The following SFMBT2 variants were observed in gnomAD, a reference collection of about 807,000 sequenced individuals.
The protein encoded by SFMBT2 is Scm like with four mbt domains 2.
SFMBT2 carries 38 observed loss-of-function variants against 110.1 expected under a neutral mutation model. The ratio of observed to expected loss-of-function variants is 0.35; its 90% CI spans 0.27 to 0.45. SFMBT2 has a LOEUF of 0.45. Ranked by LOEUF, SFMBT2 falls within the 20% of genes least tolerant of loss-of-function variation. The probability of loss-of-function intolerance (pLI) is 1.00; values close to 1 mark genes in which losing one functional copy is unlikely to be tolerated. For synonymous variants in SFMBT2, 425 were observed against 425.4 expected (o/e 1.00, Z 0.01); for missense variants, 1,011 against 1,094.9 (o/e 0.92, Z 1.08).
intron 11 of SFMBT2, chr10:7,206,346 C>T (rs2131613791): frequency 3.0e-6 from 3 of 985,378 alleles, no homozygotes; most frequent in South Asian, 9.4e-5. Context: ...TCAGGGCCCA[C>T]ATCTAAGCCT....
intron 16 of SFMBT2, among the ~76,000 whole-genome samples, chr10:7,179,364 C>T (rs1377985376): frequency 2.2e-5 from 2 of 92,384 alleles, no homozygotes; most frequent in Non-Finnish European, 4.0e-5. Context: ...TGGGGCGGTT[C>T]TTGCTTATTG....
rs1286247710 is a variant in SFMBT2, at chr10:7,408,665, C to T, written c.-52+2196G>A. ...CTCTGTTCAGCGGCCGCGTCCTGGC[C>T]ACGGGCGACCCCTGTCGGGAACCCT... On this transcript the variant is annotated intron_variant, in intron 1 of 20. Transcript: ENST00000397167. This position sits in a 1 kb window ranked among gnomAD's most constrained non-coding sequence, Gnocchi z 5.7. The T allele has an allele frequency of 6.6e-6, 1 of 152,204 alleles. No individual in the cohort carries two copies. Among genetic ancestry groups the T allele is most frequent in the Non-Finnish European group, 1.5e-5 (1 of 68,042 alleles). The allele number at this position is 152,204 out of a possible 1,614,324, so 9.4% of individuals were successfully genotyped here.
chr10:7,234,169 T>C (rs980307675), intron 9 of SFMBT2, among the ~76,000 whole-genome samples: 6 of 152,154 alleles, frequency 3.9e-5, no homozygotes, highest in African/African-American at 1.4e-4. Context: ...TCATTCCCAA[T>C]TGAATTACTC....
intron 6 of SFMBT2, chr10:7,277,540 G>T (rs897714351): frequency 2.1e-5 from 4 of 192,924 alleles, no homozygotes; most frequent in African/African-American, 9.5e-5. Context: ...TTGAAATGTT[G>T]CTTAACACAC....
chr10:7,377,618 C>G (rs1041427322), intron 2 of SFMBT2, among the ~76,000 whole-genome samples: 1 of 152,106 alleles, frequency 6.6e-6, no homozygotes, highest in Admixed American at 6.5e-5. Flanking sequence ...TCATAAGGAC[C>G]GTGCAACCTA....
At chr10:7,173,820 T>C (rs924963229) in intron 17 of SFMBT2, among the ~76,000 whole-genome samples, 3 of 152,152 alleles carry the variant, frequency 2.0e-5, no homozygotes, top group African/African-American at 7.2e-5. Flanking sequence ...AAATGGCAAA[T>C]GCACCACCCC....
intron 4 of SFMBT2, among the ~76,000 whole-genome samples, chr10:7,308,136 CT>C: frequency 6.6e-6 from 1 of 152,270 alleles, no homozygotes; most frequent in African/African-American, 2.4e-5. Context: ...AGAAGGACTC[CT>C]TCAGTCCAGG....
At chr10:7,385,342 G>C (rs1023364597) in intron 1 of SFMBT2, among the ~76,000 whole-genome samples, 1 of 152,206 alleles carries the variant, frequency 6.6e-6, no homozygotes, top group Non-Finnish European at 1.5e-5. Flanking sequence ...TGGGCTTGGA[G>C]AGCGGAGGGT....
chr10:7,246,018 G>C (rs2131725927), intron 8 of SFMBT2: 1 of 186,224 alleles, frequency 5.4e-6, no homozygotes, highest in East Asian at 1.9e-4. Context: ...TCTACGCTAA[G>C]AGTATTCTGA....
At chr10:7,385,835 TA>T (rs1294776719) in intron 1 of SFMBT2, among the ~76,000 whole-genome samples, 3 of 152,002 alleles carry the variant, frequency 2.0e-5, no homozygotes, top group Non-Finnish European at 4.4e-5. Context: ...CCGTCTCTAC[TA>T]AAAATACAAA....
At chr10:7,184,442 A>G (rs767801920) in intron 16 of SFMBT2, among the ~76,000 whole-genome samples, 2 of 152,164 alleles carry the variant, frequency 1.3e-5, no homozygotes, top group Non-Finnish European at 2.9e-5. Flanking sequence ...CGCTGTGATT[A>G]TGAGGCCTCC....
Position 7,367,856 on chromosome 10 carries a change from C to T in SFMBT2, c.229G>A (p.Gly77Arg). The T allele has an allele frequency of 6.2e-7, 1 of 1,614,176 alleles. No homozygotes were observed. Among genetic ancestry groups the T allele is most frequent in the Non-Finnish European group, 8.5e-7 (1 of 1,180,038 alleles). Residue 77 changes from glycine to arginine, a missense_variant, in exon 4 of 21, where the codon GGA (glycine) becomes AGA (arginine). Coordinates refer to ENST00000397167, the MANE Select transcript of SFMBT2 (RefSeq NM_001387889.1). This position sits in a 1 kb window ranked among gnomAD's most constrained non-coding sequence, Gnocchi z 6.2. Reference protein sequence around the residue: ...EISIQSNFQPGMKLEVANKNN... With the variant: ...EISIQSNFQPRMKLEVANKNN... ...TTATTAGCCACTTCCAATTTCATTC[C>T]TGGCTGGAAGTTGCTCTGAATGCTG...
At chr10:7,375,779 A>G (rs1026037099) in intron 2 of SFMBT2, among the ~76,000 whole-genome samples, 1 of 151,368 alleles carries the variant, frequency 6.6e-6, no homozygotes, top group Non-Finnish European at 1.5e-5. Context: ...ACACACACAC[A>G]CACACACACA....
rs1838817819 is a variant in SFMBT2, at chr10:7,197,589, G to C, written c.1657C>G (p.Gln553Glu). 1.9e-6 allele frequency: 3 copies of C among 1,614,228 alleles called. No individual in the cohort carries two copies. The highest frequency in any genetic ancestry group is 2.5e-6 in the Non-Finnish European group (3 of 1,180,042). ...LNKGRIAELP[Q>E]SVGPGKCVLV... ...ACGCATTTGCCCGGTCCCACCGACT[G>C]AGGTAGCTCTGCAATCCTTCCTTTG... The change falls in exon 15 of 21, where the codon CAG becomes GAG. Residue 553 changes from glutamine (Q) to glutamate (E), a missense_variant. Transcript: ENST00000397167.
At chr10:7,410,424 G>A (rs896187990) in intron 1 of SFMBT2, among the ~76,000 whole-genome samples, 2 of 152,352 alleles carry the variant, frequency 1.3e-5, no homozygotes, top group South Asian at 2.1e-4. Flanking sequence ...TAGCAGCGGC[G>A]GCTGCGTCGC....
intron 1 of SFMBT2, among the ~76,000 whole-genome samples, chr10:7,386,237 C>T (rs1243310657): frequency 6.6e-6 from 1 of 152,168 alleles, no homozygotes; most frequent in East Asian, 1.9e-4. Flanking sequence ...AACACAACTC[C>T]ATCTTGTCCA....
chr10:7,223,367 C>T (rs988757222), intron 10 of SFMBT2, among the ~76,000 whole-genome samples: 3 of 152,052 alleles, frequency 2.0e-5, no homozygotes, highest in Admixed American at 2.0e-4. Flanking sequence ...TGTTAGCTTG[C>T]ATTTGCCCTG....
intron 6 of SFMBT2, among the ~76,000 whole-genome samples, chr10:7,281,872 G>A (rs1458582835): frequency 6.6e-6 from 1 of 152,036 alleles, no homozygotes; most frequent in Non-Finnish European, 1.5e-5. Context: ...TTTTCACAGA[G>A]TCTCACTCTG....
At chr10:7,280,575 C>T (rs1841923018) in intron 6 of SFMBT2, among the ~76,000 whole-genome samples, 1 of 152,194 alleles carries the variant, frequency 6.6e-6, no homozygotes, top group Admixed American at 6.5e-5. Flanking sequence ...CGACCCTAAC[C>T]TCAATGACGT....
Sources: allele counts gnomAD v4.1 joint callset (sites outside exome capture counted in the v4.1 genomes callset), GRCh38; gene constraint gnomAD v4.1.1; non-coding constraint Gnocchi (gnomAD v3.1); transcripts MANE v1.5; gene names NCBI Gene and HGNC (gene_info 2026-07-23, HGNC 2026-07-21).